Variants in EIF2AK2 observed in about 807,000 individuals in gnomAD.
The protein encoded by EIF2AK2 is eukaryotic translation initiation factor 2 alpha kinase 2.
In EIF2AK2, 40 loss-of-function variants were observed where a neutral mutation model predicts 70.5. The ratio of observed to expected loss-of-function variants is 0.57; its 90% confidence interval spans 0.44 to 0.74. EIF2AK2 has a LOEUF of 0.74. Among genes scored for constraint, EIF2AK2 ranks in the 30% least tolerant of loss-of-function variants. The pLI is 0.00. For missense variants in EIF2AK2, 555 were observed against 644.3 expected, an observed-to-expected ratio of 0.86 and a Z score of 1.50; for synonymous variants, 198 against 220.9, an observed-to-expected ratio of 0.90 and a Z score of 0.92.
At chr2:37,117,196 G>C (rs1282909173) in intron 13 of EIF2AK2, among the ~76,000 whole-genome samples, 1 of 142,444 alleles carries the variant, frequency 7.0e-6, no homozygotes, top group Non-Finnish European at 1.5e-5. Context: ...CTGGGCAACA[G>C]AGGAGACTCT....
rs1675375940 is a variant in EIF2AK2 at position 37,142,687 on chromosome 2, T to G, written c.241-986A>C. On this transcript the variant is annotated intron_variant, in intron 4 of 16. Transcript: ENST00000233057. ...TAGAAGGGTATCTTTAAGTAGATTT[T>G]TCAAGAAAGAACCTTGAAACCTAAA... Among the ~76,000 whole-genome samples, 3 of 152,132 alleles carry G rather than the reference T, an allele frequency of 2.0e-5. No individual in the cohort carries two copies. The South Asian group carries it at 6.2e-4, about 31-fold the overall frequency.
intron 4 of EIF2AK2, among the ~76,000 whole-genome samples, chr2:37,146,052 C>A (rs1340607819): frequency 6.6e-6 from 1 of 151,992 alleles, no homozygotes; most frequent in Non-Finnish European, 1.5e-5. Context: ...CCAAGCCCAG[C>A]CTTTTGTCTT....
In EIF2AK2 at chr2:37,109,438, T is replaced by A. The variant is rs1674071836; in HGVS notation, c.1378-143A>T. On this transcript the variant is annotated intron_variant, in intron 14 of 16. Transcript: ENST00000233057. ...ATTAGCAAAATCTGTGGAGTCTGAC[T>A]GCCTAGGTTCAAATCTGTACCGCCG... 4.6e-6 allele frequency: 3 copies of A among 646,160 alleles called. No homozygotes were observed. In the Admixed American group the frequency reaches 8.9e-5, roughly 19 times the overall value. The allele number at this position is 646,160 out of a possible 1,614,324, so 40.0% of individuals were successfully genotyped here. A position where few individuals can be genotyped will look rare whatever the true frequency, so the allele number is the denominator to read the frequency against.
rs1006843557 is a variant in EIF2AK2, at chr2:37,151,901, C to A, written c.-183-2878G>T. ...AGACCACGGTGAAACCTCGTCTCCA[C>A]TAAAAATACAAAAAATTAGCCGGGC... is the stretch of plus-strand genomic sequence containing the variant. On this transcript the variant is annotated intron_variant, in intron 1 of 16. Transcript: ENST00000233057. 2.6e-5 allele frequency among the ~76,000 whole-genome samples: 4 copies of A among 152,320 alleles called. No homozygotes were observed. In the East Asian group the frequency reaches 5.8e-4, roughly 22 times the overall value.
intron 1 of EIF2AK2, among the ~76,000 whole-genome samples, chr2:37,150,319 GA>G (rs572207067): frequency 1.8e-4 from 28 of 151,702 alleles, no homozygotes; most frequent in African/African-American, 6.5e-4. Flanking sequence ...TCACTTGGCA[GA>G]AAAAAAAGGC....
chr2:37,156,556 C>A (rs1436490124), intron 1 of EIF2AK2, among the ~76,000 whole-genome samples: 1 of 152,186 alleles, frequency 6.6e-6, no homozygotes, highest in African/African-American at 2.4e-5. Flanking sequence ...ATGTGTCAAG[C>A]CACTAGGCCT....
chr2:37,139,205 C>A (rs1166567883), intron 6 of EIF2AK2, among the ~76,000 whole-genome samples: 1 of 151,530 alleles, frequency 6.6e-6, no homozygotes, highest in African/African-American at 2.4e-5. Flanking sequence ...GTCCCAGCTA[C>A]TCAGTAGGCT....
At chr2:37,156,258 G>C (rs1447831641) in intron 1 of EIF2AK2, among the ~76,000 whole-genome samples, 1 of 152,144 alleles carries the variant, frequency 6.6e-6, no homozygotes, top group Admixed American at 6.5e-5. Context: ...TAGGGGGTGC[G>C]AGGGGCCTTG....
At chr2:37,126,989 A>AAAAAAAAAAAAAC (rs1674759018) in intron 10 of EIF2AK2, among the ~76,000 whole-genome samples, 1 of 131,092 alleles carries the variant, frequency 7.6e-6, no homozygotes, top group African/African-American at 2.8e-5. Flanking sequence ...AAAAAAAAAA[A>AAAAAAAAAAAAAC]AAAAAAAAAA....
intron 4 of EIF2AK2, 36 bp from the exon 5 acceptor site, chr2:37,141,737 A>G (rs770631643): frequency 1.8e-5 from 28 of 1,556,538 alleles, no homozygotes; most frequent in Non-Finnish European, 2.4e-5. Flanking sequence ...AATATAAATG[A>G]CAACAAAGAT....
At chr2:37,154,271 G>C (rs1321399508) in intron 1 of EIF2AK2, among the ~76,000 whole-genome samples, 1 of 151,736 alleles carries the variant, frequency 6.6e-6, no homozygotes, top group Non-Finnish European at 1.5e-5. Flanking sequence ...GTTGCGGTGA[G>C]CTGAGATCGT....
At chr2:37,140,600 G>GCC (rs113249365) in intron 5 of EIF2AK2, among the ~76,000 whole-genome samples, 1,514 of 148,300 alleles carry the variant, frequency 0.01, 19 homozygotes, top group African/African-American at 0.036. Context: ...TTCAGATACT[G>GCC]CCCCCCCCCG....
chr2:37,114,469 T>A (rs188546495), intron 14 of EIF2AK2, among the ~76,000 whole-genome samples: 1 of 151,992 alleles, frequency 6.6e-6, no homozygotes, highest in Admixed American at 6.6e-5. Context: ...ACAAAATAAG[T>A]CCTTGAAAAA....
Position 37,107,231 on chromosome 2 carries a change from GA to G in EIF2AK2, c.*41del. The G allele has an allele frequency of 6.3e-7, 1 of 1,585,054 alleles. No homozygotes were observed. The highest frequency in any genetic ancestry group is 8.6e-7 in the Non-Finnish European group (1 of 1,169,082). On this transcript the variant is annotated 3_prime_UTR_variant, in exon 17 of 17. Coordinates refer to ENST00000233057, the MANE Select transcript of EIF2AK2 (RefSeq NM_001135651.3). ...CCTAGCAGATTTTAGATAATTTAAG[GA>G]AAACTGCATATCAGAAGCAGGATAC...
At chr2:37,135,742 C>A (rs1342413055) in intron 9 of EIF2AK2, among the ~76,000 whole-genome samples, 196 bp from the exon 10 acceptor site, 1 of 152,168 alleles carries the variant, frequency 6.6e-6, no homozygotes, top group Non-Finnish European at 1.5e-5. Flanking sequence ...GAGATCCTCC[C>A]ACCTCAGCCT....
At position 37,152,435 on chromosome 2, in the gene EIF2AK2, G is replaced by A. The variant is rs142189617; in HGVS notation, c.-183-3412C>T. The stretch of plus-strand genomic sequence containing the variant: ...TAGCTGGGACTATGGGACTACAGGT[G>A]CCCACCACCACGCCCAGCTAATTTT... On this transcript the variant is annotated intron_variant, in intron 1 of 16. Coordinates refer to ENST00000233057, the MANE Select transcript of EIF2AK2 (RefSeq NM_001135651.3). Among the ~76,000 whole-genome samples, 622 of 152,100 alleles carry A rather than the reference G, an allele frequency of 4.1e-3. 7 individuals are homozygous for A. The highest frequency in any genetic ancestry group is 0.014 in the African/African-American group (588 of 41,508).
In EIF2AK2 at chr2:37,122,679, C is replaced by G; in HGVS notation, c.909-15G>C. 1 of 1,614,114 alleles carries G rather than the reference C, an allele frequency of 6.2e-7. No homozygotes were observed. Reference sequence around the variant, plus strand: ...GCTCCGCCTTCCTAGTTAAAAGGAACAGGGAACATGGCAGTGTCAGTGTAC... The same window carrying G: ...GCTCCGCCTTCCTAGTTAAAAGGAAGAGGGAACATGGCAGTGTCAGTGTAC... On this transcript the variant is annotated splice_polypyrimidine_tract_variant and intron_variant, in intron 11 of 16. Coordinates refer to ENST00000233057, the MANE Select transcript of EIF2AK2 (RefSeq NM_001135651.3).
At chr2:37,138,611 G>A in intron 6 of EIF2AK2, 26 bp from the exon 7 acceptor site, 1 of 1,602,364 alleles carries the variant, frequency 6.2e-7, no homozygotes. Context: ...TCCCTTAGTA[G>A]GCTTAAATAC....
At chr2:37,156,262 G>A (rs967713045) in intron 1 of EIF2AK2, among the ~76,000 whole-genome samples, 1 of 152,176 alleles carries the variant, frequency 6.6e-6, no homozygotes. Flanking sequence ...GGGTGCGAGG[G>A]GCCTTGCCTG....
Sources: allele counts gnomAD v4.1 joint callset (sites outside exome capture counted in the v4.1 genomes callset), GRCh38; gene constraint gnomAD v4.1.1; transcripts MANE v1.5; gene names NCBI Gene and HGNC (gene_info 2026-07-23, HGNC 2026-07-21).